The following NDUFAF6 variants were observed in gnomAD, a reference collection of about 807,000 sequenced individuals.
NDUFAF6 encodes the protein NADH:ubiquinone oxidoreductase complex assembly factor 6.
Under a neutral mutation model 40.8 loss-of-function variants are expected in NDUFAF6, and 45 were observed. That is an observed-to-expected ratio of 1.10 (90% CI 0.87 to 1.42). NDUFAF6 has a LOEUF of 1.42. NDUFAF6 is among the 40% of genes most tolerant of loss of function. NDUFAF6 has a pLI of 0.00. For synonymous variants in NDUFAF6, 185 were observed against 155.9 expected (o/e 1.19, Z -1.39); for missense variants, 435 against 418.5 (o/e 1.04, Z -0.34).
intron 1 of NDUFAF6, among the ~76,000 whole-genome samples, chr8:94,923,876 G>C (rs1472586608): frequency 6.8e-6 from 1 of 147,302 alleles, no homozygotes; most frequent in Non-Finnish European, 1.5e-5. Context: ...TTTTAGTATA[G>C]GCCGGGTTTC....
At chr8:94,965,720 G>A (rs1312101217) in intron 1 of NDUFAF6, among the ~76,000 whole-genome samples, 1 of 152,214 alleles carries the variant, frequency 6.6e-6, no homozygotes, top group Non-Finnish European at 1.5e-5. Context: ...ATTCCAAGAT[G>A]TCTAGCGTGG....
chr8:95,026,286 G>A (rs746171021), intron 1 of NDUFAF6, among the ~76,000 whole-genome samples: 2 of 152,074 alleles, frequency 1.3e-5, no homozygotes, highest in Non-Finnish European at 2.9e-5. Context: ...TGGCCAACAT[G>A]GCGAAACCCC....
intron 1 of NDUFAF6, among the ~76,000 whole-genome samples, chr8:94,962,498 G>C (rs1230447538): frequency 1.3e-5 from 2 of 152,158 alleles, no homozygotes; most frequent in Non-Finnish European, 2.9e-5. Context: ...TTGCCATGTT[G>C]GCCAGGCTAG....
intron 1 of NDUFAF6, among the ~76,000 whole-genome samples, chr8:94,979,116 TGA>T (rs1359626041): frequency 1.3e-5 from 2 of 152,252 alleles, no homozygotes; most frequent in East Asian, 3.8e-4. Flanking sequence ...CGGCTAAAAC[TGA>T]GAGCCGTCCT....
intron 2 of NDUFAF6, among the ~76,000 whole-genome samples, chr8:94,986,482 C>T (rs1164459529): frequency 6.6e-6 from 1 of 152,134 alleles, no homozygotes; most frequent in South Asian, 2.1e-4. Context: ...AAAATACAAT[C>T]TAGAGGTAGC....
intron 1 of NDUFAF6, chr8:94,930,203 A>G (rs1820253334): frequency 2.7e-6 from 1 of 370,600 alleles, no homozygotes; most frequent in Non-Finnish European, 4.9e-6. Flanking sequence ...GTATAACCTA[A>G]TATATTTAAA....
chr8:94,934,743 CA>C (rs1427955339), intron 1 of NDUFAF6, among the ~76,000 whole-genome samples: 2 of 152,012 alleles, frequency 1.3e-5, no homozygotes, highest in Non-Finnish European at 2.9e-5. Context: ...GAAGAATTTT[CA>C]AGAAATGAAT....
intron 2 of NDUFAF6, among the ~76,000 whole-genome samples, chr8:94,995,394 T>G (rs1826380187): frequency 6.6e-6 from 1 of 152,208 alleles, no homozygotes; most frequent in Admixed American, 6.5e-5. Context: ...TCTTGCACAA[T>G]AACATTCATA....
intron 9 of NDUFAF6, among the ~76,000 whole-genome samples, chr8:95,065,478 T>C (rs959174446): frequency 3.3e-5 from 5 of 152,248 alleles, no homozygotes; most frequent in Non-Finnish European, 7.3e-5. Flanking sequence ...ATAAGTACAT[T>C]CTACATATTG....
At chr8:94,933,427 A>G (rs767228595) in intron 1 of NDUFAF6, among the ~76,000 whole-genome samples, 2 of 152,236 alleles carry the variant, frequency 1.3e-5, no homozygotes, top group Non-Finnish European at 2.9e-5. Context: ...AAATCTACTG[A>G]AACAAAATGG....
intron 2 of NDUFAF6, among the ~76,000 whole-genome samples, chr8:95,019,125 C>T (rs1210923047): frequency 6.6e-6 from 1 of 152,220 alleles, no homozygotes; most frequent in African/African-American, 2.4e-5. Context: ...GTTCTCCTGC[C>T]TCAGCCTCCC....
At chr8:94,915,216 G>T (rs1002258803) in intron 1 of NDUFAF6, among the ~76,000 whole-genome samples, 1 of 151,982 alleles carries the variant, frequency 6.6e-6, no homozygotes, top group African/African-American at 2.4e-5. Flanking sequence ...CTCCCAAAGT[G>T]CTGGGATTAC....
chr8:95,005,554 A>ATATATATATATATATATATATATGTATAT (rs1554657858), intron 2 of NDUFAF6, among the ~76,000 whole-genome samples: 1 of 115,332 alleles, frequency 8.7e-6, no homozygotes, highest in African/African-American at 3.7e-5. Context: ...TATATATATA[A>ATATATATATATATATATATATATGTATAT]AAAATATATT....
intron 2 of NDUFAF6, among the ~76,000 whole-genome samples, chr8:95,019,965 G>A (rs1347475423): frequency 2.6e-5 from 4 of 152,148 alleles, no homozygotes; most frequent in South Asian, 4.1e-4. Context: ...TTGGGAGGCC[G>A]AGGCAGGCAG....
chr8:95,029,406 T>C (rs915367637), intron 1 of NDUFAF6, among the ~76,000 whole-genome samples: 58 of 152,338 alleles, frequency 3.8e-4, no homozygotes, highest in African/African-American at 1.3e-3. Context: ...AAGGATAAGA[T>C]GCAGACATGA....
At chr8:94,992,921 G>T (rs1240527809) in intron 2 of NDUFAF6, among the ~76,000 whole-genome samples, 5 of 152,204 alleles carry the variant, frequency 3.3e-5, no homozygotes, top group Non-Finnish European at 7.3e-5. Context: ...GGGTGTGGCA[G>T]ATTGTTTGCA....
At chr8:94,961,100 A>G (rs1040173024) in intron 1 of NDUFAF6, among the ~76,000 whole-genome samples, 7 of 152,244 alleles carry the variant, frequency 4.6e-5, no homozygotes, top group African/African-American at 1.7e-4. Flanking sequence ...AATTTTGACG[A>G]ACAATACAGA....
chr8:94,971,248 G>A (rs1824437267), intron 1 of NDUFAF6, among the ~76,000 whole-genome samples: 1 of 152,220 alleles, frequency 6.6e-6, no homozygotes, highest in Non-Finnish European at 1.5e-5. Context: ...TTAGCTGTCA[G>A]TTGAGTTCTT....
intron 1 of NDUFAF6, among the ~76,000 whole-genome samples, chr8:94,962,791 C>CTT (rs58474094): frequency 0.49 from 68,466 of 139,542 alleles, 17,081 homozygotes; most frequent in East Asian, 0.71. Flanking sequence ...TCCTTTTTTT[C>CTT]TTTTTTTTTT....
Sources: gnomAD v4.1 joint callset for allele counts (sites outside exome capture counted in the v4.1 genomes callset) on GRCh38, gnomAD v4.1.1 for gene constraint, MANE v1.5 for transcripts, NCBI Gene and HGNC (gene_info 2026-07-23, HGNC 2026-07-21) for gene names.